The following ZAN variants were observed in gnomAD, a reference collection of about 807,000 sequenced individuals.
ZAN encodes the protein zonadhesin.
A neutral mutation model predicts 286.2 loss-of-function variants in ZAN; 260 were observed. The observed-to-expected ratio is 0.91, with a 90% CI of 0.82 to 1.01. ZAN has a LOEUF of 1.01. Ranked by LOEUF, ZAN falls within the 50% of genes least tolerant of loss-of-function variation. The probability of loss-of-function intolerance (pLI) is 0.00; values close to 1 mark genes in which losing one functional copy is unlikely to be tolerated. For missense variants in ZAN, 3,410 were observed against 3,639.2 expected (o/e 0.94, Z 1.62); for synonymous variants, 1,368 against 1,417.5 (o/e 0.97, Z 0.79).
At position 100,758,363 on chromosome 7, in the gene ZAN, C is replaced by A; in HGVS notation, c.3451+20C>A. The A allele has an allele frequency of 6.2e-7, 1 of 1,606,716 alleles. No homozygotes were observed. Among genetic ancestry groups the A allele is most frequent in the Non-Finnish European group, 8.5e-7 (1 of 1,175,468 alleles). Reference sequence around the variant, plus strand: ...CCTACGGTGAGAGCCCCTCCCCATGCTGTCCCTGCCTGCCAGCCAGTTGGA... The same window carrying A: ...CCTACGGTGAGAGCCCCTCCCCATGATGTCCCTGCCTGCCAGCCAGTTGGA... On this transcript the variant is annotated intron_variant, in intron 16 of 47. Coordinates refer to ENST00000613979, the MANE Select transcript of ZAN (RefSeq NM_003386.3).
At chr7:100,795,000 AAG>A (rs1240047486) in intron 44 of ZAN, among the ~76,000 whole-genome samples, 194 bp from the exon 45 acceptor site, 1 of 151,792 alleles carries the variant, frequency 6.6e-6, no homozygotes, top group Admixed American at 6.6e-5. Context: ...GAAGAGATGA[AAG>A]AGTTTCAAAG....
chr7:100,745,037 C>A (rs2115720400), intron 7 of ZAN, among the ~76,000 whole-genome samples: 1 of 151,646 alleles, frequency 6.6e-6, no homozygotes, highest in Middle Eastern at 3.4e-3. Context: ...ATGCCCGCCA[C>A]CACGCCCGGC....
rs750871139 is a variant in ZAN at position 100,753,212 on chromosome 7, C to G, written c.3107C>G (p.Thr1036Ser). The G allele has an allele frequency of 6.3e-7, 1 of 1,599,758 alleles. No individual in the cohort carries two copies. The highest frequency in any genetic ancestry group is 1.1e-5 in the South Asian group (1 of 89,322). ...MTSVILGTTT[T>S]SRSSTERCPP... ...AGTGTGATTCTGGGCACTACCACAA[C>G]CTCCAGATCCAGTACAGGTATGAGG... The change falls in exon 14 of 48, where the codon ACC becomes AGC. Residue 1036 changes from threonine to serine, a missense_variant. Thr to Ser is a moderately conservative substitution (Grantham distance 58, BLOSUM62 1). Coordinates refer to ENST00000613979, the MANE Select transcript of ZAN (RefSeq NM_003386.3).
At position 100,775,542 on chromosome 7, in the gene ZAN, C is replaced by T. The variant is rs1584609467; in HGVS notation, c.5994C>T (p.Ala1998=). 4 of 1,613,802 alleles carry T rather than the reference C, an allele frequency of 2.5e-6. No individual in the cohort carries two copies. The highest frequency in any genetic ancestry group is 1.7e-5 in the Admixed American group (1 of 59,970). The stretch of plus-strand genomic sequence containing the variant: ...AGGTCTACATTGACATCTACGATGC[C>T]CAGGTCACCCTGCAGAAGGGCCACC... ...LHEVYIDIYD[A]QVTLQKGHRV... Residue 1998 remains alanine (A), a synonymous_variant, in exon 32 of 48, where the codon GCC becomes GCT. Transcript: ENST00000613979.
chr7:100,775,908 A>G (rs1810750395), intron 33 of ZAN, 75 bp downstream of exon 33: 3 of 1,566,188 alleles, frequency 1.9e-6, no homozygotes, highest in Non-Finnish European at 2.6e-6. Context: ...GATGGGGGGC[A>G]GTGTTCGCAT....
At chr7:100,743,389 G>A (rs1409895836) in intron 7 of ZAN, among the ~76,000 whole-genome samples, 1 of 151,856 alleles carries the variant, frequency 6.6e-6, no homozygotes, top group Non-Finnish European at 1.5e-5. Context: ...TGTGCACTCA[G>A]CTGAGCTTCT....
chr7:100,753,969 A>G (rs1196482207), intron 14 of ZAN, among the ~76,000 whole-genome samples: 2 of 150,682 alleles, frequency 1.3e-5, no homozygotes, highest in Non-Finnish European at 2.9e-5. Flanking sequence ...ATTAGCAGCC[A>G]CTCCCCACTC....
At chr7:100,758,123 A>AATAC in intron 15 of ZAN, 79 bp from the exon 16 acceptor site, 5 of 1,143,902 alleles carry the variant, frequency 4.4e-6, no homozygotes, top group Non-Finnish European at 5.7e-6. Flanking sequence ...TAAATAAATA[A>AATAC]ATAAATGAAA....
chr7:100,746,387 C>A, intron 7 of ZAN, 151 bp from the exon 8 acceptor site: 2 of 981,406 alleles, frequency 2.0e-6, no homozygotes, highest in Non-Finnish European at 2.9e-6. Flanking sequence ...AGACCTCAGT[C>A]AGTTGGGATA....
In ZAN at chr7:100,755,416, C is replaced by A; in HGVS notation, c.3309+6C>A. ...ACAACAACGACTACTATGAGGTAAG[C>A]CCCCCGGGATGCTGGGGTCCCATGA... is the stretch of plus-strand genomic sequence containing the variant. On this transcript the variant is annotated splice_donor_region_variant and intron_variant, in intron 15 of 47. Coordinates refer to ENST00000613979, the MANE Select transcript of ZAN (RefSeq NM_003386.3). 2 of 1,610,526 alleles carry A rather than the reference C, an allele frequency of 1.2e-6. No individual in the cohort carries two copies. Among genetic ancestry groups the A allele is most frequent in the African/African-American group, 2.7e-5 (2 of 74,932 alleles).
At position 100,789,315 on chromosome 7, in the gene ZAN, T is replaced by G. The variant is rs779023757; in HGVS notation, c.7325T>G (p.Leu2442Arg). 6.2e-7 allele frequency: 1 copy of G among 1,613,808 alleles called. No individual in the cohort carries two copies. The highest frequency in any genetic ancestry group is 8.5e-7 in the Non-Finnish European group (1 of 1,179,808). ...QRLYLVTDFE[L>R]VVSFGGRKNA... ...CTCTACCTGGTCACCGACTTTGAGC[T>G]GGTCGTCAGCTTTGGTGGAAGGAAA... Residue 2442 changes from leucine (L) to arginine (R), a missense_variant, in exon 39 of 48, where the codon CTG becomes CGG. Physicochemically the swap from Leu to Arg is moderately radical, Grantham distance 102. Around this residue, in one of 7 missense-constraint regions of ZAN, gnomAD observed 1,289 missense variants for 1,314.3 expected, o/e 0.98. Transcript: ENST00000613979.
intron 11 of ZAN, among the ~76,000 whole-genome samples, chr7:100,749,651 A>AAAAAAAAT (rs1360254873): frequency 9.1e-6 from 1 of 109,440 alleles, no homozygotes; most frequent in African/African-American, 3.6e-5. Flanking sequence ...AAAAAAAAAA[A>AAAAAAAAT]ATATATATAT....
At chr7:100,755,190 G>A in intron 14 of ZAN, 36 bp from the exon 15 acceptor site, 1 of 1,577,646 alleles carries the variant, frequency 6.3e-7, no homozygotes, top group Non-Finnish European at 8.6e-7. Context: ...AGAAAGCCAT[G>A]GAATGAAAGC....
intron 24 of ZAN, 53 bp downstream of exon 24, chr7:100,766,719 A>G: frequency 2.0e-6 from 3 of 1,536,486 alleles, no homozygotes; most frequent in Non-Finnish European, 2.6e-6. Context: ...AACACCAGGC[A>G]AGGTGATGGG....
At position 100,737,089 on chromosome 7, in the gene ZAN, G is replaced by GGGGACAAATTGT. The variant is rs1480051244; in HGVS notation, c.525+15_525+26dup. On this transcript the variant is annotated intron_variant, in intron 5 of 47. Transcript: ENST00000613979. The stretch of plus-strand genomic sequence containing the variant: ...TCACCCTGCCCACCCGGGTAAGGCC[G>GGGGACAAATTGT]GGGACAAATTGTGGGACCTCGGGGG... 4 of 1,488,160 alleles carry GGGGACAAATTGT rather than the reference G, an allele frequency of 2.7e-6. 1 individual carries two copies. The highest frequency in any genetic ancestry group is 3.7e-6 in the Non-Finnish European group (4 of 1,090,192). 92.2% of individuals were successfully genotyped at this position (1,488,160 alleles called of 1,614,324 possible).
chr7:100,737,481 C>T lies in ZAN; in HGVS notation c.613+132C>T, dbSNP rs147834784. On this transcript the variant is annotated intron_variant, in intron 6 of 47. Transcript: ENST00000613979. ...CAGCACTTTGGGAGGCCGAGGCGGG[C>T]GGATCACGAGGTCAAGAGATAGAGA... 1,244 of 595,820 alleles carry T rather than the reference C, an allele frequency of 2.1e-3. 138 individuals are homozygous for T. Among genetic ancestry groups the T allele is most frequent in the South Asian group, 0.013 (560 of 44,072 alleles). The allele number at this position is 595,820 out of a possible 1,614,324, so 36.9% of individuals were successfully genotyped here. A position where few individuals can be genotyped will look rare whatever the true frequency, so the allele number is the denominator to read the frequency against.
chr7:100,786,244 C>T, intron 37 of ZAN, 103 bp downstream of exon 37: 1 of 1,514,478 alleles, frequency 6.6e-7, no homozygotes, highest in Non-Finnish European at 8.9e-7. Flanking sequence ...AACCCCAGCA[C>T]AGTCAGGGGT....
intron 23 of ZAN, 76 bp downstream of exon 23, chr7:100,765,630 C>CTTTCT (rs1227915135): frequency 1.5e-5 from 22 of 1,455,056 alleles, no homozygotes; most frequent in South Asian, 3.9e-5. Context: ...CCTGCAAGCT[C>CTTTCT]TTTCTTTTCT....
rs1811084821 is a variant in ZAN, at chr7:100,779,810, C to T, written c.6622+60C>T. The T allele has an allele frequency of 3.4e-6, 5 of 1,457,448 alleles. No individual in the cohort carries two copies. In the Admixed American group the frequency reaches 8.8e-5, roughly 26 times the overall value. The allele number at this position is 1,457,448 out of a possible 1,614,324, so 90.3% of individuals were successfully genotyped here. On this transcript the variant is annotated intron_variant, in intron 35 of 47. Coordinates refer to ENST00000613979, the MANE Select transcript of ZAN (RefSeq NM_003386.3). Reference sequence around the variant, plus strand: ...CAAACCCCCTTTCCCTCTCTGCTTCCCTGAGAGCTCCCTCACTCTCCTTCC... The same window carrying T: ...CAAACCCCCTTTCCCTCTCTGCTTCTCTGAGAGCTCCCTCACTCTCCTTCC...
Sources: gnomAD v4.1 joint callset for allele counts (sites outside exome capture counted in the v4.1 genomes callset) on GRCh38, gnomAD v4.1.1 for gene constraint, gnomAD v4.1.1 regional missense constraint, MANE v1.5 for transcripts, NCBI Gene and HGNC (gene_info 2026-07-23, HGNC 2026-07-21) for gene names.